GRIN2A: variants seen among roughly 807,000 people sequenced by gnomAD.
GRIN2A encodes glutamate ionotropic receptor NMDA type subunit 2A.
A neutral mutation model predicts 113.4 loss-of-function variants in GRIN2A; 22 were observed. The ratio of observed to expected loss-of-function variants is 0.19; its 90% confidence interval spans 0.14 to 0.28. The LOEUF is 0.28. Ranked by LOEUF, GRIN2A falls within the 10% of genes least tolerant of loss-of-function variation. The pLI is 1.00. For synonymous variants in GRIN2A, 827 were observed against 738.4 expected (o/e 1.12, Z -1.94); for missense variants, 1,502 against 1,887.0 (o/e 0.80, Z 3.78).
Position 9,818,492 on chromosome 16 carries a change from G to GA in GRIN2A, c.2168+3771dup, listed in dbSNP as rs577685144. Among the ~76,000 whole-genome samples, 235 of 141,544 alleles carry GA rather than the reference G, an allele frequency of 1.7e-3. 2 individuals carry two copies. Among genetic ancestry groups the GA allele is most frequent in the African/African-American group, 5.7e-3 (219 of 38,618 alleles). The allele number at this position is 141,544 out of a possible 152,430, so 92.9% of individuals were successfully genotyped here. A position where few individuals can be genotyped will look rare whatever the true frequency, so the allele number is the denominator to read the frequency against. On this transcript the variant is annotated intron_variant, in intron 10 of 12. Coordinates refer to ENST00000330684, the MANE Select transcript of GRIN2A (RefSeq NM_001134407.3). ...CTACAAAAAAGATAAAATCTGCATGGAAAAAAAAAAGCAAGCTCAAAAGAC... is the reference window on the plus strand; with the variant it reads ...CTACAAAAAAGATAAAATCTGCATGGAAAAAAAAAAAGCAAGCTCAAAAGAC...
intron 2 of GRIN2A, among the ~76,000 whole-genome samples, chr16:10,132,065 C>A (rs1006090167): frequency 1.9e-4 from 29 of 152,048 alleles, no homozygotes; most frequent in African/African-American, 6.3e-4. Flanking sequence ...GGCTTGGTGG[C>A]TCGCGCCTGT....
chr16:9,902,940 GTTTTTT>G (rs34185441), intron 3 of GRIN2A, among the ~76,000 whole-genome samples: 1 of 50,636 alleles, frequency 2.0e-5, no homozygotes, highest in African/African-American at 1.1e-4. Flanking sequence ...TCTTGGTTCT[GTTTTTT>G]TTTTTTTTTT....
At chr16:10,081,917 A>G (rs1043267121) in intron 2 of GRIN2A, among the ~76,000 whole-genome samples, 8 of 152,238 alleles carry the variant, frequency 5.3e-5, no homozygotes, top group African/African-American at 1.9e-4. Flanking sequence ...AAGGGCTCCA[A>G]GTAGAAATAG....
At chr16:10,125,402 G>C (rs2048913280) in intron 2 of GRIN2A, among the ~76,000 whole-genome samples, 1 of 152,150 alleles carries the variant, frequency 6.6e-6, no homozygotes, top group South Asian at 2.1e-4. Flanking sequence ...AAAGACCCTT[G>C]TTAGGAGAAG....
intron 2 of GRIN2A, among the ~76,000 whole-genome samples, chr16:10,031,906 C>T (rs991667431): frequency 6.6e-6 from 1 of 152,236 alleles, no homozygotes. Context: ...GCCACAGGGC[C>T]TATGCCCAGT....
chr16:9,783,206 T>TA (rs1902030432), intron 11 of GRIN2A, among the ~76,000 whole-genome samples: 1 of 152,202 alleles, frequency 6.6e-6, no homozygotes, highest in Non-Finnish European at 1.5e-5. Flanking sequence ...GAAATCCACA[T>TA]AAAAAATTAG....
At position 9,806,827 on chromosome 16, in the gene GRIN2A, A is replaced by T. The variant is rs1168884078; in HGVS notation, c.2169-8363T>A. 4.2e-4 allele frequency among the ~76,000 whole-genome samples: 64 copies of T among 152,082 alleles called. 1 individual carries two copies. The highest frequency in any genetic ancestry group is 2.9e-5 in the Non-Finnish European group (2 of 67,956). On this transcript the variant is annotated intron_variant, in intron 10 of 12. Coordinates refer to ENST00000330684, the MANE Select transcript of GRIN2A (RefSeq NM_001134407.3). ...AGAAGGTAACGGGGAAGGAGTGAGG[A>T]CAGTGATATGGTTTGTCTGTGTGCC... is the stretch of plus-strand genomic sequence containing the variant.
At chr16:10,038,573 G>C (rs1209591631) in intron 2 of GRIN2A, among the ~76,000 whole-genome samples, 1 of 152,070 alleles carries the variant, frequency 6.6e-6, no homozygotes, top group Non-Finnish European at 1.5e-5. Flanking sequence ...GCCAGGCGCG[G>C]TGGCTCACGC....
chr16:9,785,108 T>C (rs1303181354), intron 11 of GRIN2A, among the ~76,000 whole-genome samples: 1 of 152,170 alleles, frequency 6.6e-6, no homozygotes, highest in African/African-American at 2.4e-5. Context: ...CAAAGGATTA[T>C]AAATCATGCT....
intron 10 of GRIN2A, among the ~76,000 whole-genome samples, chr16:9,813,494 T>C (rs1305029496): frequency 1.3e-5 from 2 of 148,832 alleles, no homozygotes; most frequent in African/African-American, 4.9e-5. Flanking sequence ...CATTTTGATA[T>C]ATTTCTTTTT....
intron 2 of GRIN2A, among the ~76,000 whole-genome samples, chr16:10,117,115 C>A (rs1205585475): frequency 1.3e-5 from 2 of 151,990 alleles, no homozygotes; most frequent in Non-Finnish European, 2.9e-5. Flanking sequence ...AATTCAGGAC[C>A]CAAAATCTGT....
At chr16:10,173,974 C>T (rs1163654051) in intron 2 of GRIN2A, among the ~76,000 whole-genome samples, 2 of 152,000 alleles carry the variant, frequency 1.3e-5, no homozygotes, top group Admixed American at 6.6e-5. Flanking sequence ...CATAGTATTG[C>T]TTGCAAATAA....
chr16:9,970,011 T>A (rs1271823593), intron 2 of GRIN2A, among the ~76,000 whole-genome samples: 1 of 152,232 alleles, frequency 6.6e-6, no homozygotes, highest in Admixed American at 6.5e-5. Context: ...TCCGTGTGAA[T>A]CTTATACACA....
chr16:9,925,861 A>C (rs2044454003), intron 3 of GRIN2A, among the ~76,000 whole-genome samples: 1 of 152,278 alleles, frequency 6.6e-6, no homozygotes, highest in African/African-American at 2.4e-5. Flanking sequence ...TACAAACCCC[A>C]AATTTATTTT....
Position 10,138,553 on chromosome 16 carries a change from T to C in GRIN2A, c.414+41445A>G, listed in dbSNP as rs549341009. 1.1e-4 allele frequency among the ~76,000 whole-genome samples: 17 copies of C among 152,204 alleles called. No individual in the cohort carries two copies. The South Asian group carries it at 3.5e-3, about 32-fold the overall frequency. The stretch of plus-strand genomic sequence containing the variant: ...CAGCAAGGGGAAAATCCGCCCCCGT[T>C]ATCCAATCACCTCCCACCAGGCCCC... On this transcript the variant is annotated intron_variant, in intron 2 of 12. Transcript: ENST00000330684.
intron 11 of GRIN2A, among the ~76,000 whole-genome samples, chr16:9,775,519 C>G (rs1901540093): frequency 6.6e-6 from 1 of 152,138 alleles, no homozygotes. Context: ...GTCATGAAAA[C>G]CAGTAGTTAC....
chr16:9,811,159 T>C (rs2042079495), intron 10 of GRIN2A, among the ~76,000 whole-genome samples: 1 of 152,162 alleles, frequency 6.6e-6, no homozygotes, highest in African/African-American at 2.4e-5. Flanking sequence ...GCTTCATGGG[T>C]GAGAGCAACT....
chr16:9,843,036 G>C (rs112126456), intron 5 of GRIN2A, among the ~76,000 whole-genome samples: 2,963 of 149,306 alleles, frequency 0.02, 92 homozygotes, highest in African/African-American at 0.065. Context: ...GGGAGAGATA[G>C]AAAGAAAGAA....
At chr16:10,151,938 G>A (rs960218573) in intron 2 of GRIN2A, among the ~76,000 whole-genome samples, 1 of 152,178 alleles carries the variant, frequency 6.6e-6, no homozygotes, top group Non-Finnish European at 1.5e-5. Context: ...ATTCAAACCA[G>A]CAGGAAGAGA....
Sources: gnomAD v4.1 joint callset for allele counts (sites outside exome capture counted in the v4.1 genomes callset) on GRCh38, gnomAD v4.1.1 for gene constraint, MANE v1.5 for transcripts, NCBI Gene and HGNC (gene_info 2026-07-23, HGNC 2026-07-21) for gene names.